CARS1: variants seen among roughly 807,000 people sequenced by gnomAD.
CARS1 encodes the protein cysteine--tRNA ligase, cytoplasmic.
In CARS1, 48 loss-of-function variants were observed where a neutral mutation model predicts 106.2. The ratio of observed to expected loss-of-function variants is 0.45; its 90% CI spans 0.36 to 0.57. CARS1 has a LOEUF of 0.57. CARS1 is among the 20% of genes least tolerant of loss of function. The pLI is 0.00. For synonymous variants in CARS1, 409 were observed against 403.4 expected (o/e 1.01, Z -0.17); for missense variants, 968 against 1,057.2 (o/e 0.92, Z 1.17).
chr11:3,006,277 C>G (rs953878476), intron 19 of CARS1, among the ~76,000 whole-genome samples: 1 of 152,144 alleles, frequency 6.6e-6, no homozygotes. Flanking sequence ...GAAACCCCGT[C>G]TCTACTAAAG....
Position 3,044,417 on chromosome 11 carries a change from C to CA in CARS1, c.275-2162_275-2161insT, listed in dbSNP as rs1308633097. 2.7e-5 allele frequency among the ~76,000 whole-genome samples: 4 copies of CA among 146,868 alleles called. No homozygotes were observed. The Admixed American group carries it at 2.7e-4, about 10-fold the overall frequency. Reference sequence around the variant, plus strand: ...ATATCACATAAGGACCCTTGCCCCCCTTTTTTTTTTTTAGATAAAATCTGG... The same window carrying CA: ...ATATCACATAAGGACCCTTGCCCCCCATTTTTTTTTTTTAGATAAAATCTGG... On this transcript the variant is annotated intron_variant, in intron 2 of 22. Transcript: ENST00000380525. This position sits in a 1 kb window ranked among gnomAD's most constrained non-coding sequence, Gnocchi z 4.4.
At position 3,012,051 on chromosome 11, in the gene CARS1, C is replaced by T. The variant is rs143491017; in HGVS notation, c.2068+144G>A. 241 of 714,612 alleles carry T rather than the reference C, an allele frequency of 3.4e-4. 1 individual carries two copies. The African/African-American group carries it at 3.6e-3, about 11-fold the overall frequency. 44.3% of individuals were successfully genotyped at this position (714,612 alleles called of 1,614,324 possible). Reference sequence around the variant, plus strand: ...ACCTGGTGGGTCCAGGCCCGGGATGCCGTTCAACACCCTGTGGTGCACGGG... The same window carrying T: ...ACCTGGTGGGTCCAGGCCCGGGATGTCGTTCAACACCCTGTGGTGCACGGG... On this transcript the variant is annotated intron_variant, in intron 18 of 22. Coordinates refer to ENST00000380525, the MANE Select transcript of CARS1 (RefSeq NM_001014437.3).
intron 17 of CARS1, among the ~76,000 whole-genome samples, chr11:3,014,830 G>A (rs1231726253): frequency 6.6e-6 from 1 of 152,176 alleles, no homozygotes; most frequent in Non-Finnish European, 1.5e-5. Flanking sequence ...TGGTTCCTGG[G>A]GGAGCATCTG....
chr11:3,047,481 C>A (rs1217485415), intron 2 of CARS1, among the ~76,000 whole-genome samples: 5 of 152,138 alleles, frequency 3.3e-5, no homozygotes, highest in South Asian at 2.1e-4. Context: ...AGAGCCGCAG[C>A]GGCTCTGCAC....
chr11:3,057,313 C>G (rs1488598905), intron 1 of CARS1, 30 bp downstream of exon 1: 1 of 1,601,256 alleles, frequency 6.2e-7, no homozygotes, highest in South Asian at 1.1e-5. Context: ...CCCCCAGCCG[C>G]CCTCAGCCTG....
chr11:3,035,348 C>T (rs1853478471), intron 7 of CARS1, among the ~76,000 whole-genome samples: 1 of 152,164 alleles, frequency 6.6e-6, no homozygotes, highest in African/African-American at 2.4e-5. Flanking sequence ...GAAAAAGGGA[C>T]ATTCAAACCA....
rs778685115 is a variant in CARS1 at position 3,003,674 on chromosome 11, C to G, written c.2218-1074G>C. On this transcript the variant is annotated intron_variant, in intron 20 of 22. Coordinates refer to ENST00000380525, the MANE Select transcript of CARS1 (RefSeq NM_001014437.3). This position sits in a 1 kb window ranked among gnomAD's most constrained non-coding sequence, Gnocchi z 4.8. ...TAGATGGAGGGAGAGCAGGGCTGGCCGAGGGAAAGGGGCTGAGGTGGGGGA... is the reference window on the plus strand; with the variant it reads ...TAGATGGAGGGAGAGCAGGGCTGGCGGAGGGAAAGGGGCTGAGGTGGGGGA... Among the ~76,000 whole-genome samples, 1 of 151,918 alleles carries G rather than the reference C, an allele frequency of 6.6e-6. No individual in the cohort carries two copies. The highest frequency in any genetic ancestry group is 1.9e-4 in the East Asian group (1 of 5,182).
Position 3,017,821 on chromosome 11 carries a change from A to G in CARS1, c.1727+36T>C, listed in dbSNP as rs1851196756. 3 of 1,412,746 alleles carry G rather than the reference A, an allele frequency of 2.1e-6. No homozygotes were observed. The highest frequency in any genetic ancestry group is 3.0e-6 in the Non-Finnish European group (3 of 997,000). 87.5% of individuals were successfully genotyped at this position (1,412,746 alleles called of 1,614,324 possible). ...GCGAGGCTAGGCATAGAACATGGGC[A>G]TGCTCAAAAACCCCAAAGAAATGGC... On this transcript the variant is annotated intron_variant, in intron 15 of 22. Transcript: ENST00000380525. The surrounding 1 kb of genome is among the most constrained non-coding windows in gnomAD (Gnocchi z 4.9).
Position 3,018,498 on chromosome 11 carries a change from C to A in CARS1, c.1539G>T (p.Arg513=), listed in dbSNP as rs544038154. The change falls in exon 14 of 23, where the codon CGG becomes CGT. Residue 513 remains arginine (R), a synonymous_variant. Transcript: ENST00000380525. ...TCCACGAGTGCATGAGGAAGGCCAGCCGCAACTGCCGTGCTGTGGGGGGAC... is the reference window on the plus strand; with the variant it reads ...TCCACGAGTGCATGAGGAAGGCCAGACGCAACTGCCGTGCTGTGGGGGGAC... The part of the protein sequence containing the change: ...ALKKHSARQL[R]LAFLMHSWKD... 5.0e-6 allele frequency: 8 copies of A among 1,614,088 alleles called. No homozygotes were observed. The South Asian group carries it at 6.6e-5, about 13-fold the overall frequency.
chr11:3,040,997 T>C lies in CARS1; in HGVS notation c.367-13A>G, dbSNP rs1190700907. On this transcript the variant is annotated splice_polypyrimidine_tract_variant and intron_variant, in intron 3 of 22. Coordinates refer to ENST00000380525, the MANE Select transcript of CARS1 (RefSeq NM_001014437.3). The surrounding 1 kb of genome is among the most constrained non-coding windows in gnomAD (Gnocchi z 5.8). ...GTATGAACACTTCCTTTGTTAGGAA[T>C]GAAGGAATGACGATCACAAGAAATG... is the stretch of plus-strand genomic sequence containing the variant. The C allele has an allele frequency of 2.5e-6, 4 of 1,613,872 alleles. No individual in the cohort carries two copies. In the East Asian group the frequency reaches 6.7e-5, roughly 27 times the overall value.
rs1855529698 is a variant in CARS1, at chr11:3,050,312, A to G, written c.26-2311T>C. 6.6e-6 allele frequency among the ~76,000 whole-genome samples: 1 copy of G among 152,052 alleles called. No homozygotes were observed. Among genetic ancestry groups the G allele is most frequent in the African/African-American group, 2.4e-5 (1 of 41,390 alleles). Reference sequence around the variant, plus strand: ...GGAGCCACTGTCCCATCTGACCCCAATAAGATGGCCACCCACTCCAAGCAG... The same window carrying G: ...GGAGCCACTGTCCCATCTGACCCCAGTAAGATGGCCACCCACTCCAAGCAG... On this transcript the variant is annotated intron_variant, in intron 1 of 22. Coordinates refer to ENST00000380525, the MANE Select transcript of CARS1 (RefSeq NM_001014437.3). The surrounding 1 kb of genome is among the most constrained non-coding windows in gnomAD (Gnocchi z 6.3).
intron 18 of CARS1, among the ~76,000 whole-genome samples, chr11:3,009,762 G>A (rs2239900): frequency 0.44 from 66,398 of 152,050 alleles, 15,173 homozygotes; most frequent in African/African-American, 0.56. Flanking sequence ...TTTCTTTTTC[G>A]TCTGTCTGTG....
chr11:3,047,482 G>A (rs989909987), intron 2 of CARS1, among the ~76,000 whole-genome samples: 2 of 152,108 alleles, frequency 1.3e-5, no homozygotes, highest in Admixed American at 6.5e-5. Flanking sequence ...GAGCCGCAGC[G>A]GCTCTGCACC....
rs751718698 is a variant in CARS1, at chr11:3,042,305, G to A, written c.275-49C>T. 5 of 1,416,634 alleles carry A rather than the reference G, an allele frequency of 3.5e-6. No individual in the cohort carries two copies. The Admixed American group carries it at 7.3e-5, about 21-fold the overall frequency. 87.8% of individuals were successfully genotyped at this position (1,416,634 alleles called of 1,614,324 possible). A position where few individuals can be genotyped will look rare whatever the true frequency, so the allele number is the denominator to read the frequency against. On this transcript the variant is annotated intron_variant, in intron 2 of 22. Coordinates refer to ENST00000380525, the MANE Select transcript of CARS1 (RefSeq NM_001014437.3). ...CAGGGTCCAGGGGCAGCACCAGGAA[G>A]TGCAAGTCGCCTCTTCACCTGGAGA... is the stretch of plus-strand genomic sequence containing the variant.
Position 3,022,281 on chromosome 11 carries a change from G to A in CARS1, c.1154-1949C>T, listed in dbSNP as rs563762518. On this transcript the variant is annotated intron_variant, in intron 10 of 22. Transcript: ENST00000380525. The surrounding 1 kb of genome is among the most constrained non-coding windows in gnomAD (Gnocchi z 4.9). ...GATCCTGAATTCCAGCAGGACAGCT[G>A]TTGCCAACTGGTCTGAAGACCTGCA... Among the ~76,000 whole-genome samples, 3 of 152,224 alleles carry A rather than the reference G, an allele frequency of 2.0e-5. No homozygotes were observed. Among genetic ancestry groups the A allele is most frequent in the Non-Finnish European group, 4.4e-5 (3 of 68,042 alleles).
At position 3,052,701 on chromosome 11, in the gene CARS1, A is replaced by G. The variant is rs1470717552; in HGVS notation, c.25+4642T>C. ...AGGCTTCCATGAGATGGACGCAGAC[A>G]GTCATTTGGGTAATCGTGGTAGCTG... On this transcript the variant is annotated intron_variant, in intron 1 of 22. Transcript: ENST00000380525. This position sits in a 1 kb window ranked among gnomAD's most constrained non-coding sequence, Gnocchi z 4.6. 6.6e-6 allele frequency among the ~76,000 whole-genome samples: 1 copy of G among 152,198 alleles called. No homozygotes were observed. The highest frequency in any genetic ancestry group is 1.5e-5 in the Non-Finnish European group (1 of 68,034).
In CARS1 at chr11:3,017,432, C is replaced by T. The variant is rs573254621; in HGVS notation, c.1728-137G>A. The T allele has an allele frequency of 3.3e-5, 23 of 689,472 alleles. No homozygotes were observed. Among genetic ancestry groups the T allele is most frequent in the African/African-American group, 1.8e-4 (10 of 56,116 alleles). 42.7% of individuals were successfully genotyped at this position (689,472 alleles called of 1,614,324 possible). ...CTGAGGTGGGCGGATCACCTGAGGT[C>T]GGGAGTTCGAGACCAGCCTGACAAA... On this transcript the variant is annotated intron_variant, in intron 15 of 22. Transcript: ENST00000380525. This position sits in a 1 kb window ranked among gnomAD's most constrained non-coding sequence, Gnocchi z 4.9.
chr11:3,029,132 C>G lies in CARS1; in HGVS notation c.943-48G>C. On this transcript the variant is annotated intron_variant, in intron 8 of 22. Transcript: ENST00000380525. This position sits in a 1 kb window ranked among gnomAD's most constrained non-coding sequence, Gnocchi z 5.9. ...CTGGGATTTTCCCTTCTGAAAACCA[C>G]GCGCTCCATAAAAACGTTCCCAATT... is the stretch of plus-strand genomic sequence containing the variant. 2 of 1,490,852 alleles carry G rather than the reference C, an allele frequency of 1.3e-6. No homozygotes were observed. Among genetic ancestry groups the G allele is most frequent in the Non-Finnish European group, 1.9e-6 (2 of 1,068,518 alleles). The allele number at this position is 1,490,852 out of a possible 1,614,324, so 92.4% of individuals were successfully genotyped here.
At position 3,017,625 on chromosome 11, in the gene CARS1, A is replaced by G; in HGVS notation, c.1727+232T>C. On this transcript the variant is annotated intron_variant, in intron 15 of 22. Coordinates refer to ENST00000380525, the MANE Select transcript of CARS1 (RefSeq NM_001014437.3). The surrounding 1 kb of genome is among the most constrained non-coding windows in gnomAD (Gnocchi z 4.9). Reference sequence around the variant, plus strand: ...GCCACTGCACTCCAGCCTGGGCAACAAGGGCGAAACTCCGTCTCAAAAAGA... The same window carrying G: ...GCCACTGCACTCCAGCCTGGGCAACGAGGGCGAAACTCCGTCTCAAAAAGA... The G allele has an allele frequency of 1.8e-6, 1 of 564,662 alleles. No homozygotes were observed. The highest frequency in any genetic ancestry group is 3.1e-6 in the Non-Finnish European group (1 of 320,626). The allele number at this position is 564,662 out of a possible 1,614,324, so 35.0% of individuals were successfully genotyped here. A position where few individuals can be genotyped will look rare whatever the true frequency, so the allele number is the denominator to read the frequency against.
Sources: gnomAD v4.1 joint callset for allele counts (sites outside exome capture counted in the v4.1 genomes callset) on GRCh38, gnomAD v4.1.1 for gene constraint, Gnocchi (gnomAD v3.1) non-coding constraint, MANE v1.5 for transcripts, NCBI Gene and HGNC (gene_info 2026-07-23, HGNC 2026-07-21) for gene names.